F13B: variants seen among roughly 807,000 people sequenced by gnomAD.
The protein encoded by F13B is coagulation factor XIII B chain, also known as TGase.
F13B carries 58 observed loss-of-function variants against 79.8 expected under a neutral mutation model. The ratio of observed to expected loss-of-function variants is 0.73; its 90% confidence interval spans 0.59 to 0.90. The LOEUF (loss-of-function observed/expected upper bound fraction) is 0.90. F13B is among the 40% of genes least tolerant of loss of function. The pLI is 0.00. For synonymous variants in F13B, 283 were observed against 260.3 expected (o/e 1.09, Z -0.84); for missense variants, 773 against 777.0 (o/e 0.99, Z 0.06).
intron 7 of F13B, among the ~76,000 whole-genome samples, chr1:197,056,734 G>T (rs986227454): frequency 3.3e-5 from 5 of 152,106 alleles, no homozygotes; most frequent in Non-Finnish European, 7.4e-5. Flanking sequence ...AGAACTTACA[G>T]GTAATGGCAT....
intron 10 of F13B, among the ~76,000 whole-genome samples, chr1:197,042,050 A>G (rs1655055416): frequency 6.6e-6 from 1 of 152,194 alleles, no homozygotes; most frequent in African/African-American, 2.4e-5. Context: ...TAAAATTTAT[A>G]AGTTGTTTAT....
At chr1:197,052,597 C>T in intron 9 of F13B, 37 bp downstream of exon 9, 1 of 1,463,790 alleles carries the variant, frequency 6.8e-7, no homozygotes, top group Non-Finnish European at 9.5e-7. Context: ...AGATATTGGT[C>T]AAGTAAAGAT....
chr1:197,049,132 T>A (rs1316203702), intron 10 of F13B, among the ~76,000 whole-genome samples: 2 of 152,000 alleles, frequency 1.3e-5, no homozygotes, highest in Admixed American at 6.6e-5. Context: ...CAGAGAGAAA[T>A]TTCTATTTTT....
In F13B at chr1:197,063,071, A is replaced by G. The variant is rs1210735779; in HGVS notation, c.65-14T>C. ...CACAGGGTTTCTCTGAAATGAGTAA[A>G]TGTCAAGCTGAAAATGGAAAAACAA... On this transcript the variant is annotated splice_polypyrimidine_tract_variant and intron_variant, in intron 1 of 11. Coordinates refer to ENST00000367412, the MANE Select transcript of F13B (RefSeq NM_001994.3). 11 of 1,602,668 alleles carry G rather than the reference A, an allele frequency of 6.9e-6. No individual in the cohort carries two copies. Among genetic ancestry groups the G allele is most frequent in the Non-Finnish European group, 9.4e-6 (11 of 1,171,776 alleles).
chr1:197,053,074 T>C lies in F13B; in HGVS notation c.1355-240A>G, dbSNP rs116121757. On this transcript the variant is annotated intron_variant, in intron 8 of 11. Transcript: ENST00000367412. The stretch of plus-strand genomic sequence containing the variant: ...AATTTAAAACATCAAAAATACTATT[T>C]AAGGGCATCAATCAGTTAGATTAAT... Among the ~76,000 whole-genome samples, 795 of 152,098 alleles carry C rather than the reference T, an allele frequency of 5.2e-3. 7 individuals are homozygous for C. Among genetic ancestry groups the C allele is most frequent in the African/African-American group, 0.018 (748 of 41,526 alleles).
In F13B at chr1:197,062,960, T is replaced by G; in HGVS notation, c.162A>C (p.Lys54Asn). The G allele has an allele frequency of 1.2e-6, 2 of 1,613,836 alleles. No individual in the cohort carries two copies. The highest frequency in any genetic ancestry group is 1.7e-6 in the Non-Finnish European group (2 of 1,179,812). ...SFYFPMSIDKKLSFFCLAGYT... is the reference protein window; with the variant it reads ...SFYFPMSIDKNLSFFCLAGYT... ...AACCAGCCAAGCAGAAAAATGACAA[T>G]TTTTTGTCTATGCTCATTGGAAAGT... is the stretch of plus-strand genomic sequence containing the variant. Residue 54 changes from lysine to asparagine, a missense_variant, in exon 2 of 12, where the codon AAA becomes AAC. By Grantham distance (94) the Lys-to-Asn change is moderately conservative. Coordinates refer to ENST00000367412, the MANE Select transcript of F13B (RefSeq NM_001994.3).
chr1:197,063,053 T>C lies in F13B; in HGVS notation c.69A>G (p.Lys23=), dbSNP rs780459676. The change falls in exon 2 of 12, where the codon AAA becomes AAG. Residue 23 remains lysine, a synonymous_variant. Coordinates refer to ENST00000367412, the MANE Select transcript of F13B (RefSeq NM_001994.3). The part of the protein sequence containing the change: ...IISGELYAEE[K]PCGFPHVENG... ...TTTCCACATGAGGAAAACCACAGGG[T>C]TTCTCTGAAATGAGTAAATGTCAAG... The C allele has an allele frequency of 1.2e-6, 2 of 1,610,720 alleles. No individual in the cohort carries two copies. Among genetic ancestry groups the C allele is most frequent in the Non-Finnish European group, 1.7e-6 (2 of 1,178,640 alleles).
intron 2 of F13B, 49 bp downstream of exon 2, chr1:197,062,808 A>C: frequency 6.3e-7 from 1 of 1,582,962 alleles, no homozygotes; most frequent in Non-Finnish European, 8.7e-7. Context: ...TTTTATATAC[A>C]AATTTCTTTG....
At position 197,060,396 on chromosome 1, in the gene F13B, CAA is replaced by C. The variant is rs768823874; in HGVS notation, c.773_774del (p.Phe258TrpfsTer45). The C allele has an allele frequency of 6.2e-7, 1 of 1,612,300 alleles. No homozygotes were observed. On this transcript the variant is annotated frameshift_variant, in exon 5 of 12. Coordinates refer to ENST00000367412, the MANE Select transcript of F13B (RefSeq NM_001994.3). LOFTEE classifies it high-confidence loss of function. ...CATACAGGAGATTCTGGGTACCAAC[CAA>C]AGTTATAGCATTGAATTAAATCAGA... ...SGSDLIQCYN[F>X]GWYPESPVCE...
intron 2 of F13B, 84 bp from the exon 3 acceptor site, chr1:197,062,053 G>T: frequency 8.6e-7 from 1 of 1,163,594 alleles, no homozygotes; most frequent in Non-Finnish European, 1.2e-6. Flanking sequence ...AAAGTATAAT[G>T]TTATTATTGG....
intron 5 of F13B, 81 bp downstream of exon 5, chr1:197,060,285 C>T: frequency 9.7e-7 from 1 of 1,026,200 alleles, no homozygotes. Context: ...TAGATATGAC[C>T]ACAGGAATTT....
At chr1:197,060,731 AT>A (rs1655822366) in intron 4 of F13B, among the ~76,000 whole-genome samples, 167 bp downstream of exon 4, 1 of 152,160 alleles carries the variant, frequency 6.6e-6, no homozygotes, top group African/African-American at 2.4e-5. Flanking sequence ...AAATGAATTT[AT>A]TCTACTTGAG....
At chr1:197,058,443 C>T (rs1655726718) in intron 5 of F13B, among the ~76,000 whole-genome samples, 5 of 152,122 alleles carry the variant, frequency 3.3e-5, no homozygotes, top group Admixed American at 3.3e-4. Flanking sequence ...GGACTAAAAT[C>T]GAGATATCAG....
At chr1:197,044,105 G>T (rs948794214) in intron 10 of F13B, among the ~76,000 whole-genome samples, 7 of 151,822 alleles carry the variant, frequency 4.6e-5, no homozygotes, top group African/African-American at 1.5e-4. Flanking sequence ...GGAGAGATTT[G>T]TTTCTGATTT....
intron 5 of F13B, among the ~76,000 whole-genome samples, chr1:197,059,030 G>A (rs17514577): frequency 0.013 from 1,998 of 151,856 alleles, 37 homozygotes; most frequent in African/African-American, 0.044. Context: ...CCTGACCAAC[G>A]TGGCAAAACC....
At chr1:197,049,182 G>A (rs1007240802) in intron 10 of F13B, among the ~76,000 whole-genome samples, 2 of 151,784 alleles carry the variant, frequency 1.3e-5, no homozygotes, top group African/African-American at 2.4e-5. Context: ...CTGAAAATTA[G>A]TAATCTATGT....
At chr1:197,060,638 TA>T in intron 4 of F13B, 96 bp from the exon 5 acceptor site, 1 of 906,182 alleles carries the variant, frequency 1.1e-6, no homozygotes, top group Non-Finnish European at 1.7e-6. Flanking sequence ...GAATAGAAAT[TA>T]AATTTGCCAA....
rs549162529 is a variant in F13B, at chr1:197,054,915, T to C, written c.1354+800A>G. On this transcript the variant is annotated intron_variant, in intron 8 of 11. Transcript: ENST00000367412. ...TAATTATTTTTAACAAAAATAAATA[T>C]GTTTAACATGTACAAAGATTTACTT... 1.8e-4 allele frequency among the ~76,000 whole-genome samples: 27 copies of C among 152,186 alleles called. No individual in the cohort carries two copies. In the East Asian group the frequency reaches 5.2e-3, roughly 29 times the overall value.
intron 10 of F13B, among the ~76,000 whole-genome samples, chr1:197,050,349 C>T (rs772361292): frequency 2.9e-4 from 44 of 152,194 alleles, no homozygotes; most frequent in Non-Finnish European, 5.1e-4. Context: ...TTTATTTCCG[C>T]ATTGTTTTCT....
Sources: allele counts gnomAD v4.1 joint callset (sites outside exome capture counted in the v4.1 genomes callset), GRCh38; gene constraint gnomAD v4.1.1; transcripts MANE v1.5; gene names NCBI Gene and HGNC (gene_info 2026-07-23, HGNC 2026-07-21).